SORCS1: variants seen among roughly 807,000 people sequenced by gnomAD.
The protein encoded by SORCS1 is sortilin related VPS10 domain containing receptor 1.
In SORCS1, 60 loss-of-function variants were observed where a neutral mutation model predicts 146.1. The ratio of observed to expected loss-of-function variants is 0.41; its 90% CI spans 0.33 to 0.51. SORCS1 has a LOEUF of 0.51. SORCS1 is among the 20% of genes least tolerant of loss of function. The pLI is 0.21. For synonymous variants in SORCS1, 637 were observed against 584.0 expected (o/e 1.09, Z -1.31); for missense variants, 1,352 against 1,487.6 (o/e 0.91, Z 1.50).
At chr10:107,036,715 AC>A (rs1301943038) in intron 1 of SORCS1, among the ~76,000 whole-genome samples, 4 of 152,186 alleles carry the variant, frequency 2.6e-5, no homozygotes, top group African/African-American at 9.7e-5. Flanking sequence ...AAGCACTGAG[AC>A]CTTTTTAAGC....
intron 24 of SORCS1, among the ~76,000 whole-genome samples, chr10:106,588,453 C>G (rs1283356687): frequency 2.0e-5 from 3 of 152,160 alleles, no homozygotes; most frequent in African/African-American, 4.8e-5. Flanking sequence ...TAGTCGTTCA[C>G]CTTTCCTTGT....
At chr10:106,810,823 C>A (rs1429169124) in intron 3 of SORCS1, among the ~76,000 whole-genome samples, 1 of 152,152 alleles carries the variant, frequency 6.6e-6, no homozygotes, top group Non-Finnish European at 1.5e-5. Context: ...CTGAGCATGT[C>A]TATGTACTCT....
chr10:106,596,353 C>T (rs1182903314), intron 24 of SORCS1, among the ~76,000 whole-genome samples: 1 of 152,202 alleles, frequency 6.6e-6, no homozygotes, highest in Non-Finnish European at 1.5e-5. Flanking sequence ...CAGCATGGTA[C>T]TCTGCAAAAA....
chr10:107,041,700 T>C (rs1282698377), intron 1 of SORCS1, among the ~76,000 whole-genome samples: 1 of 152,132 alleles, frequency 6.6e-6, no homozygotes. Flanking sequence ...AGCTATCTAG[T>C]GAAAGGTGAG....
intron 18 of SORCS1, among the ~76,000 whole-genome samples, chr10:106,635,241 C>T (rs1589528819): frequency 6.6e-6 from 1 of 152,212 alleles, no homozygotes; most frequent in African/African-American, 2.4e-5. Context: ...CAAGATGTCC[C>T]TTAAGGCATC....
At chr10:106,591,799 C>T (rs777893184) in intron 24 of SORCS1, among the ~76,000 whole-genome samples, 4 of 152,160 alleles carry the variant, frequency 2.6e-5, no homozygotes, top group Non-Finnish European at 4.4e-5. Flanking sequence ...AGGCAAATGT[C>T]TCTGGAAAGA....
intron 25 of SORCS1, chr10:106,578,425 T>C (rs1844694858): frequency 6.5e-6 from 1 of 154,016 alleles, no homozygotes; most frequent in Admixed American, 6.5e-5. Context: ...AGAAATTTGC[T>C]AATCTGCTCT....
In SORCS1 at chr10:106,576,857, A is replaced by T. The variant is rs1389596695; in HGVS notation, c.*563T>A. ...TAGCTAATCCACCCATCAGCCTTTA[A>T]TGCTAAAATAGCTGATAAATCTAGA... is the stretch of plus-strand genomic sequence containing the variant. On this transcript the variant is annotated 3_prime_UTR_variant, in exon 26 of 26. Coordinates refer to ENST00000263054, the MANE Select transcript of SORCS1 (RefSeq NM_052918.5). 5.6e-6 allele frequency: 1 copy of T among 179,840 alleles called. No individual in the cohort carries two copies. The highest frequency in any genetic ancestry group is 1.2e-5 in the Non-Finnish European group (1 of 85,358). 11.1% of individuals were successfully genotyped at this position (179,840 alleles called of 1,614,324 possible).
In SORCS1 at chr10:106,733,107, C is replaced by CAAAA. The variant is rs1350500252; in HGVS notation, c.960-2997_960-2994dup. Among the ~76,000 whole-genome samples, 314 of 111,132 alleles carry CAAAA rather than the reference C, an allele frequency of 2.8e-3. 20 individuals carry two copies. The highest frequency in any genetic ancestry group is 9.9e-3 in the African/African-American group (280 of 28,186). 72.9% of individuals were successfully genotyped at this position (111,132 alleles called of 152,430 possible). On this transcript the variant is annotated intron_variant, in intron 5 of 25. Transcript: ENST00000263054. ...TGGGCGACAAAGTGATACTCCATTT[C>CAAAA]AAAAAAAAGAAAAGAAAAGAAAAGA...
intron 2 of SORCS1, among the ~76,000 whole-genome samples, chr10:106,934,557 C>A (rs916438345): frequency 1.3e-5 from 2 of 152,094 alleles, no homozygotes; most frequent in African/African-American, 4.8e-5. Flanking sequence ...CTGCACCCGG[C>A]CAGTATGGAG....
In SORCS1 at chr10:106,866,332, C is replaced by G. The variant is rs145404573; in HGVS notation, c.627-36659G>C. On this transcript the variant is annotated intron_variant, in intron 2 of 25. Transcript: ENST00000263054. ...GGATCCCCTCCAACCCCACTCATTA[C>G]CAGACAGGGAACCTGCAGGTTGGGC... 3.5e-3 allele frequency among the ~76,000 whole-genome samples: 528 copies of G among 152,298 alleles called. 2 individuals are homozygous for G. The highest frequency in any genetic ancestry group is 0.011 in the African/African-American group (475 of 41,568).
intron 1 of SORCS1, among the ~76,000 whole-genome samples, chr10:107,145,786 A>T (rs1968274971): frequency 6.6e-6 from 1 of 152,208 alleles, no homozygotes; most frequent in South Asian, 2.1e-4. Flanking sequence ...ACAGTTTCTG[A>T]TTTGGGAGAA....
intron 14 of SORCS1, among the ~76,000 whole-genome samples, chr10:106,673,528 G>A (rs895473512): frequency 3.9e-5 from 6 of 152,182 alleles, no homozygotes; most frequent in African/African-American, 1.2e-4. Flanking sequence ...CATAATAACA[G>A]GCAGAACCAG....
chr10:107,084,508 T>TGTA (rs1445469648), intron 1 of SORCS1, among the ~76,000 whole-genome samples: 2 of 152,042 alleles, frequency 1.3e-5, no homozygotes, highest in African/African-American at 4.8e-5. Context: ...TGTTTGTGTA[T>TGTA]GTATATGTAT....
chr10:106,706,859 T>A (rs568268320), intron 7 of SORCS1, among the ~76,000 whole-genome samples: 20 of 152,338 alleles, frequency 1.3e-4, no homozygotes, highest in African/African-American at 4.6e-4. Context: ...ATACAATTCT[T>A]AAGTTTGCAC....
intron 1 of SORCS1, among the ~76,000 whole-genome samples, chr10:107,002,740 T>C (rs1317548959): frequency 6.6e-6 from 1 of 152,152 alleles, no homozygotes; most frequent in African/African-American, 2.4e-5. Context: ...GTAGGTTCCA[T>C]GATTGTCTCT....
chr10:106,988,313 G>A (rs1589860336), intron 1 of SORCS1, among the ~76,000 whole-genome samples: 1 of 152,292 alleles, frequency 6.6e-6, no homozygotes, highest in East Asian at 1.9e-4. Flanking sequence ...TGTAACAGAG[G>A]AAGGACAGCA....
rs1032346892 is a variant in SORCS1 at position 106,575,866 on chromosome 10, A to G, written c.*1554T>C. 3.3e-5 allele frequency: 5 copies of G among 152,628 alleles called. No homozygotes were observed. Among genetic ancestry groups the G allele is most frequent in the African/African-American group, 1.2e-4 (5 of 41,452 alleles). The allele number at this position is 152,628 out of a possible 1,614,324, so 9.5% of individuals were successfully genotyped here. ...TTAAAATCAGTTTTATTTCACAAAC[A>G]TTTCTATTCTACTGTGAGAGTGGAA... is the stretch of plus-strand genomic sequence containing the variant. On this transcript the variant is annotated 3_prime_UTR_variant, in exon 26 of 26. Coordinates refer to ENST00000263054, the MANE Select transcript of SORCS1 (RefSeq NM_052918.5).
chr10:106,779,174 C>T (rs952392606), intron 3 of SORCS1, among the ~76,000 whole-genome samples: 5 of 152,106 alleles, frequency 3.3e-5, no homozygotes, highest in Non-Finnish European at 7.4e-5. Flanking sequence ...CAGCCCTCAC[C>T]TAAAACTCTC....
Sources: allele counts gnomAD v4.1 joint callset (sites outside exome capture counted in the v4.1 genomes callset), GRCh38; gene constraint gnomAD v4.1.1; transcripts MANE v1.5; gene names NCBI Gene and HGNC (gene_info 2026-07-23, HGNC 2026-07-21).